CNTN1: variants seen among roughly 807,000 people sequenced by gnomAD.
CNTN1 encodes contactin-1.
In CNTN1, 38 loss-of-function variants were observed where a neutral mutation model predicts 126.4. That is an observed-to-expected ratio of 0.30 (90% CI 0.23 to 0.39). The LOEUF is 0.39. Among genes scored for constraint, CNTN1 ranks in the 10% least tolerant of loss-of-function variants. The pLI is 1.00. For missense variants in CNTN1, 1,009 were observed against 1,248.4 expected (o/e 0.81, Z 2.89); for synonymous variants, 413 against 422.6 (o/e 0.98, Z 0.28).
chr12:40,891,833 G>T (rs948942250), intron 1 of CNTN1, among the ~76,000 whole-genome samples: 2 of 152,004 alleles, frequency 1.3e-5, no homozygotes, highest in South Asian at 4.2e-4. Flanking sequence ...GACAGTGTCC[G>T]TCCTCCAGCT....
chr12:40,987,889 T>C (rs1310304748), intron 16 of CNTN1, among the ~76,000 whole-genome samples: 5 of 152,116 alleles, frequency 3.3e-5, no homozygotes, highest in Non-Finnish European at 5.9e-5. Flanking sequence ...ATTAGTATTA[T>C]CTTTTTAAAA....
intron 20 of CNTN1, 45 bp from the exon 21 acceptor site, chr12:41,025,105 G>A: frequency 6.3e-7 from 1 of 1,593,222 alleles, no homozygotes; most frequent in Non-Finnish European, 8.6e-7. Context: ...CATAGCTGAA[G>A]ACTCTAAATC....
At chr12:40,723,062 A>C (rs1173636781) in intron 1 of CNTN1, among the ~76,000 whole-genome samples, 4 of 152,058 alleles carry the variant, frequency 2.6e-5, no homozygotes, top group African/African-American at 4.8e-5. Context: ...ATGAAATATT[A>C]ATAATAAAAG....
At chr12:40,954,222 A>T (rs1946787997) in intron 14 of CNTN1, among the ~76,000 whole-genome samples, 1 of 152,078 alleles carries the variant, frequency 6.6e-6, no homozygotes, top group Admixed American at 6.6e-5. Flanking sequence ...TTGTGTCGTA[A>T]TAGTTTGAAA....
chr12:40,972,557 GTATA>G (rs200840858), intron 15 of CNTN1: 2 of 757,700 alleles, frequency 2.6e-6, no homozygotes, highest in Non-Finnish European at 3.2e-6. Flanking sequence ...ATATGTGTGT[GTATA>G]TATATAGTTT....
intron 1 of CNTN1, among the ~76,000 whole-genome samples, chr12:40,777,048 T>G (rs758317281): frequency 6.6e-5 from 10 of 151,666 alleles, no homozygotes; most frequent in Non-Finnish European, 1.2e-4. Context: ...AAACCCTAAC[T>G]CTAGCCTTGA....
At position 40,805,941 on chromosome 12, in the gene CNTN1, G is replaced by T. The variant is rs75626626; in HGVS notation, c.-76-102416G>T. Among the ~76,000 whole-genome samples, 1,442 of 152,212 alleles carry T rather than the reference G, an allele frequency of 9.5e-3. 23 individuals are homozygous for T. The highest frequency in any genetic ancestry group is 0.033 in the African/African-American group (1,371 of 41,542). The stretch of plus-strand genomic sequence containing the variant: ...TGATGCTTAGAGAGAAGGCTGGGTT[G>T]CTGTTGCTTGTTTGTTTTCTTTCCT... On this transcript the variant is annotated intron_variant, in intron 1 of 23. Transcript: ENST00000551295.
At chr12:40,820,317 C>T (rs1941405162) in intron 1 of CNTN1, among the ~76,000 whole-genome samples, 1 of 152,196 alleles carries the variant, frequency 6.6e-6, no homozygotes, top group African/African-American at 2.4e-5. Context: ...CATTAAGTTC[C>T]ACACTGCCAC....
At chr12:40,980,491 C>A (rs1402765028) in intron 15 of CNTN1, among the ~76,000 whole-genome samples, 1 of 149,436 alleles carries the variant, frequency 6.7e-6, no homozygotes, top group Non-Finnish European at 1.5e-5. Flanking sequence ...AGGATGTGTT[C>A]AGTTCTGGGG....
chr12:40,969,996 C>T (rs1256284746), intron 15 of CNTN1, among the ~76,000 whole-genome samples: 1 of 152,142 alleles, frequency 6.6e-6, no homozygotes, highest in Non-Finnish European at 1.5e-5. Context: ...CTTAGCGACT[C>T]TCAATAATGA....
intron 17 of CNTN1, among the ~76,000 whole-genome samples, chr12:40,995,997 C>T (rs1289861174): frequency 6.6e-6 from 1 of 152,152 alleles, no homozygotes; most frequent in African/African-American, 2.4e-5. Flanking sequence ...AGGTGTTTCT[C>T]ATCTAAAGGC....
chr12:41,017,983 T>C (rs1383649434), intron 19 of CNTN1, among the ~76,000 whole-genome samples: 5 of 151,040 alleles, frequency 3.3e-5, no homozygotes. Context: ...GCCAGCTACT[T>C]GGGAGGCTGA....
intron 16 of CNTN1, among the ~76,000 whole-genome samples, chr12:40,987,331 G>A (rs556006326): frequency 3.3e-4 from 51 of 152,278 alleles, no homozygotes; most frequent in Non-Finnish European, 6.5e-4. Flanking sequence ...AATAGACTAT[G>A]TACTTTTAAG....
At chr12:40,754,506 T>C (rs1374345237) in intron 1 of CNTN1, among the ~76,000 whole-genome samples, 7 of 152,246 alleles carry the variant, frequency 4.6e-5, no homozygotes, top group Non-Finnish European at 1.0e-4. Flanking sequence ...TGTTTTTTAA[T>C]GGTTTTGAAA....
intron 23 of CNTN1, among the ~76,000 whole-genome samples, chr12:41,063,237 A>G (rs1348294028): frequency 6.6e-6 from 1 of 152,254 alleles, no homozygotes; most frequent in Non-Finnish European, 1.5e-5. Context: ...TGTGTTGATT[A>G]GCCTCAAGCA....
Position 40,993,095 on chromosome 12 carries a change from TCTATTTA to T in CNTN1, c.1964-17_1964-11del. 1 of 1,600,356 alleles carries T rather than the reference TCTATTTA, an allele frequency of 6.2e-7. No individual in the cohort carries two copies. The highest frequency in any genetic ancestry group is 1.1e-5 in the South Asian group (1 of 90,788). ...GTGATAAGTTAATCAACCTGTATTC[TCTATTTA>T]CTATTTATTTTATTCAGATCCCCCA... On this transcript the variant is annotated intron_variant, in intron 16 of 23. Coordinates refer to ENST00000551295, the MANE Select transcript of CNTN1 (RefSeq NM_001843.4).
intron 23 of CNTN1, among the ~76,000 whole-genome samples, chr12:41,045,254 T>G (rs1425867275): frequency 6.6e-6 from 1 of 152,122 alleles, no homozygotes; most frequent in East Asian, 1.9e-4. Flanking sequence ...TCAGATTATC[T>G]TTAATAGATA....
At chr12:40,966,034 A>ACG in intron 15 of CNTN1, among the ~76,000 whole-genome samples, 1 of 150,734 alleles carries the variant, frequency 6.6e-6, no homozygotes, top group Admixed American at 6.6e-5. Context: ...ACACACACAC[A>ACG]CACACGCACG....
At chr12:40,705,157 T>A (rs951317813) in intron 1 of CNTN1, among the ~76,000 whole-genome samples, 35 of 152,198 alleles carry the variant, frequency 2.3e-4, no homozygotes, top group South Asian at 2.1e-4. Flanking sequence ...CTGGTCCTTT[T>A]TGAGCATCCA....
Sources: allele counts gnomAD v4.1 joint callset (sites outside exome capture counted in the v4.1 genomes callset), GRCh38; gene constraint gnomAD v4.1.1; transcripts MANE v1.5; gene names NCBI Gene and HGNC (gene_info 2026-07-23, HGNC 2026-07-21).